Variants in MSRB3 observed in about 807,000 individuals in gnomAD.
MSRB3 encodes the protein methionine sulfoxide reductase B3.
Under a neutral mutation model 21.0 loss-of-function variants are expected in MSRB3, and 13 were observed. The observed-to-expected ratio is 0.62, with a 90% CI of 0.40 to 0.98. The LOEUF (loss-of-function observed/expected upper bound fraction) is 0.98, where lower values mean the gene tolerates loss of function less well. MSRB3 is among the 50% of genes least tolerant of loss of function. The pLI is 0.00. For synonymous variants in MSRB3, 87 were observed against 88.6 expected, an observed-to-expected ratio of 0.98 and a Z score of 0.10; for missense variants, 199 against 230.3, an observed-to-expected ratio of 0.86 and a Z score of 0.88.
intron 1 of MSRB3, among the ~76,000 whole-genome samples, chr12:65,296,678 CA>C (rs1193793280): frequency 2.0e-5 from 3 of 152,124 alleles, no homozygotes; most frequent in African/African-American, 7.2e-5. Flanking sequence ...ACACTACGCA[CA>C]AAGATGAAGG....
chr12:65,350,374 C>T (rs1876875574), intron 4 of MSRB3, among the ~76,000 whole-genome samples: 1 of 151,834 alleles, frequency 6.6e-6, no homozygotes, highest in Non-Finnish European at 1.5e-5. Flanking sequence ...AATGTAAAGA[C>T]CATCGAGACT....
At chr12:65,404,255 G>A (rs1017163280) in intron 5 of MSRB3, among the ~76,000 whole-genome samples, 2 of 152,166 alleles carry the variant, frequency 1.3e-5, no homozygotes, top group Non-Finnish European at 2.9e-5. Flanking sequence ...AACTTTTTTA[G>A]TGGTTGCCCT....
At chr12:65,340,923 ATTGAG>A (rs1454793801) in intron 4 of MSRB3, among the ~76,000 whole-genome samples, 18 of 152,246 alleles carry the variant, frequency 1.2e-4, no homozygotes, top group African/African-American at 3.8e-4. Context: ...CTCAGAAGAA[ATTGAG>A]TTATCACAAA....
intron 5 of MSRB3, among the ~76,000 whole-genome samples, chr12:65,376,152 C>T (rs1477200983): frequency 6.9e-6 from 1 of 144,532 alleles, no homozygotes; most frequent in East Asian, 2.0e-4. Context: ...CGGAGTCTCG[C>T]TCTTTCGCCC....
chr12:65,464,343 T>C lies in MSRB3; in HGVS notation c.*1021T>C, dbSNP rs1232792089. On this transcript the variant is annotated 3_prime_UTR_variant, in exon 7 of 7. Coordinates refer to ENST00000308259, the MANE Select transcript of MSRB3 (RefSeq NM_001031679.3). ...GGCGCATGCATGTAGTCCCAGCTAC[T>C]CCTGAGGCTCAGTCAGGAGAATCGC... 2 of 152,484 alleles carry C rather than the reference T, an allele frequency of 1.3e-5. No homozygotes were observed. The highest frequency in any genetic ancestry group is 3.9e-4 in the East Asian group (2 of 5,176). The allele number at this position is 152,484 out of a possible 1,614,324, so 9.4% of individuals were successfully genotyped here. A position where few individuals can be genotyped will look rare whatever the true frequency, so the allele number is the denominator to read the frequency against.
intron 5 of MSRB3, among the ~76,000 whole-genome samples, chr12:65,431,211 G>A (rs1881861357): frequency 1.3e-5 from 2 of 152,054 alleles, no homozygotes; most frequent in African/African-American, 4.8e-5. Context: ...AGGCCTGCAT[G>A]TAATACCTGG....
chr12:65,453,028 G>A (rs747354783), intron 5 of MSRB3, among the ~76,000 whole-genome samples: 2 of 152,158 alleles, frequency 1.3e-5, no homozygotes, highest in Non-Finnish European at 2.9e-5. Flanking sequence ...TTCTTAAAGT[G>A]TGCATATATT....
intron 5 of MSRB3, among the ~76,000 whole-genome samples, chr12:65,375,423 G>A (rs1027669087): frequency 6.6e-6 from 1 of 152,112 alleles, no homozygotes; most frequent in East Asian, 1.9e-4. Context: ...TTGAGTCCTA[G>A]AGTTTTAATA....
intron 1 of MSRB3, among the ~76,000 whole-genome samples, chr12:65,291,193 C>G (rs1872645702): frequency 6.6e-6 from 1 of 151,928 alleles, no homozygotes; most frequent in Non-Finnish European, 1.5e-5. Context: ...TCAAGTGATT[C>G]TCCTACCTCA....
chr12:65,337,160 G>A (rs951971905), intron 4 of MSRB3, among the ~76,000 whole-genome samples: 10 of 151,960 alleles, frequency 6.6e-5, no homozygotes, highest in African/African-American at 2.2e-4. Flanking sequence ...GGAGAATGGC[G>A]TGAACCCGGA....
chr12:65,429,980 T>A (rs765155373), intron 5 of MSRB3, among the ~76,000 whole-genome samples: 2 of 152,206 alleles, frequency 1.3e-5, no homozygotes, highest in Non-Finnish European at 2.9e-5. Flanking sequence ...TAGAATCCAA[T>A]GCAAAGATCA....
intron 5 of MSRB3, among the ~76,000 whole-genome samples, chr12:65,442,345 A>T (rs1882423894): frequency 6.6e-6 from 1 of 152,074 alleles, no homozygotes; most frequent in South Asian, 2.1e-4. Context: ...TAAGTACCCA[A>T]CCAAAAAATG....
chr12:65,296,975 G>T (rs1592498778), intron 1 of MSRB3, among the ~76,000 whole-genome samples: 1 of 152,106 alleles, frequency 6.6e-6, no homozygotes, highest in African/African-American at 2.4e-5. Context: ...ATAATATTCT[G>T]CCCAGAAGAG....
chr12:65,392,020 T>C (rs575149905), intron 5 of MSRB3, among the ~76,000 whole-genome samples: 17 of 152,330 alleles, frequency 1.1e-4, no homozygotes, highest in African/African-American at 4.1e-4. Flanking sequence ...CTGGAATTGT[T>C]AGTATTTACA....
chr12:65,400,739 T>C (rs1410365500), intron 5 of MSRB3, among the ~76,000 whole-genome samples: 1 of 152,226 alleles, frequency 6.6e-6, no homozygotes, highest in African/African-American at 2.4e-5. Flanking sequence ...CTTTCTCCTG[T>C]GGGCATTTAG....
At chr12:65,458,272 T>G (rs958993085) in intron 6 of MSRB3, among the ~76,000 whole-genome samples, 8 of 152,174 alleles carry the variant, frequency 5.3e-5, no homozygotes, top group African/African-American at 1.9e-4. Flanking sequence ...TAAAAAAAAT[T>G]GTGGTAGGGA....
At chr12:65,410,119 A>T (rs1421534206) in intron 5 of MSRB3, among the ~76,000 whole-genome samples, 3 of 152,138 alleles carry the variant, frequency 2.0e-5, no homozygotes, top group Admixed American at 6.5e-5. Context: ...TTTATAATGT[A>T]ATTATTCAAC....
At chr12:65,301,938 A>G (rs1873358518) in intron 1 of MSRB3, among the ~76,000 whole-genome samples, 2 of 152,128 alleles carry the variant, frequency 1.3e-5, no homozygotes, top group Non-Finnish European at 1.5e-5. Flanking sequence ...TTGCAAAAAT[A>G]TAGAACTCTT....
rs138867167 is a variant in MSRB3 at position 65,392,029 on chromosome 12, C to T, written c.292+23003C>T. 7.2e-5 allele frequency among the ~76,000 whole-genome samples: 11 copies of T among 152,314 alleles called. No homozygotes were observed. The East Asian group carries it at 2.1e-3, about 29-fold the overall frequency. On this transcript the variant is annotated intron_variant, in intron 5 of 6. Transcript: ENST00000308259. Reference sequence around the variant, plus strand: ...GTGCACCTGGAATTGTTAGTATTTACACTCACTTTAAGCCAAACCCTAACT... The same window carrying T: ...GTGCACCTGGAATTGTTAGTATTTATACTCACTTTAAGCCAAACCCTAACT...
Sources: gnomAD v4.1 joint callset for allele counts (sites outside exome capture counted in the v4.1 genomes callset) on GRCh38, gnomAD v4.1.1 for gene constraint, MANE v1.5 for transcripts, NCBI Gene and HGNC (gene_info 2026-07-23, HGNC 2026-07-21) for gene names.